ROBO2: variants seen among roughly 807,000 people sequenced by gnomAD.
ROBO2 encodes roundabout guidance receptor 2, also known as roundabout homolog 2.
A neutral mutation model predicts 160.8 loss-of-function variants in ROBO2; 53 were observed. The observed-to-expected ratio is 0.33, with a 90% CI of 0.26 to 0.41. The LOEUF is 0.41. Among genes scored for constraint, ROBO2 ranks in the 10% least tolerant of loss-of-function variants. The pLI is 1.00. For synonymous variants in ROBO2, 664 were observed against 611.7 expected (o/e 1.09, Z -1.26); for missense variants, 1,577 against 1,722.4 (o/e 0.92, Z 1.49).
At chr3:77,135,895 A>G (rs1200744097) in intron 2 of ROBO2, among the ~76,000 whole-genome samples, 1 of 152,244 alleles carries the variant, frequency 6.6e-6, no homozygotes, top group African/African-American at 2.4e-5. Context: ...GGAAAGTAAT[A>G]TATTCTGTCA....
At chr3:76,251,803 T>G (rs867479068) in intron 2 of ROBO2, among the ~76,000 whole-genome samples, 5 of 152,062 alleles carry the variant, frequency 3.3e-5, no homozygotes, top group Admixed American at 6.6e-5. Flanking sequence ...GGGTTTAAAA[T>G]GTGACTCCTT....
At chr3:77,297,941 G>A (rs184783647) in intron 2 of ROBO2, among the ~76,000 whole-genome samples, 2 of 152,252 alleles carry the variant, frequency 1.3e-5, no homozygotes, top group East Asian at 1.9e-4. Flanking sequence ...AGAAAGAGTC[G>A]TTGGACATGG....
intron 2 of ROBO2, among the ~76,000 whole-genome samples, chr3:75,961,633 A>C (rs1288562557): frequency 6.6e-6 from 1 of 151,726 alleles, no homozygotes; most frequent in African/African-American, 2.4e-5. Context: ...AAAAGAGAAC[A>C]GAGCAGATAA....
At chr3:76,710,891 G>T (rs264552) in intron 2 of ROBO2, among the ~76,000 whole-genome samples, 56,108 of 151,972 alleles carry the variant, frequency 0.37, 11,493 homozygotes, top group Non-Finnish European at 0.47. Context: ...ACAAAAGAAA[G>T]TAGTTCACGG....
chr3:77,219,374 T>C (rs939908758), intron 2 of ROBO2, among the ~76,000 whole-genome samples: 2 of 149,178 alleles, frequency 1.3e-5, no homozygotes, highest in African/African-American at 4.9e-5. Context: ...ACCAAACTTA[T>C]TAAGCTTTAT....
intron 2 of ROBO2, among the ~76,000 whole-genome samples, chr3:76,818,410 T>C (rs1455096525): frequency 1.3e-5 from 2 of 152,002 alleles, no homozygotes; most frequent in South Asian, 2.1e-4. Context: ...TTGTTGGATG[T>C]ATAGACTGTG....
chr3:76,103,424 G>A (rs563174085), intron 2 of ROBO2, among the ~76,000 whole-genome samples: 1 of 152,162 alleles, frequency 6.6e-6, no homozygotes, highest in African/African-American at 2.4e-5. Context: ...AGAAAACAGA[G>A]GTGTTACATG....
chr3:76,410,002 A>G (rs1217179641), intron 2 of ROBO2, among the ~76,000 whole-genome samples: 1 of 152,080 alleles, frequency 6.6e-6, no homozygotes, highest in Admixed American at 6.6e-5. Context: ...TGCTTTGTTT[A>G]TTCAAAGTGA....
At chr3:76,214,236 C>T (rs1703343679) in intron 2 of ROBO2, among the ~76,000 whole-genome samples, 2 of 152,186 alleles carry the variant, frequency 1.3e-5, no homozygotes, top group African/African-American at 4.8e-5. Context: ...ACACACTAAT[C>T]CACTCCTCAG....
At position 77,564,982 on chromosome 3, in the gene ROBO2, G is replaced by A. The variant is rs993855793; in HGVS notation, c.1711G>A (p.Val571Met). ...ATCAGTGAGCAACAGCTGGCAGACC[G>A]TGGCAAACCATGTAAAGACCACCCT... Residue 571 changes from valine to methionine, a missense_variant, in exon 12 of 26, where the codon GTG becomes ATG. Coordinates refer to ENST00000461745, the Ensembl canonical transcript of ROBO2. The A allele has an allele frequency of 6.2e-6, 10 of 1,613,296 alleles. No individual in the cohort carries two copies. Among genetic ancestry groups the A allele is most frequent in the Admixed American group, 1.7e-5 (1 of 59,850 alleles).
At chr3:76,225,507 G>C (rs1159526576) in intron 2 of ROBO2, among the ~76,000 whole-genome samples, 1 of 152,118 alleles carries the variant, frequency 6.6e-6, no homozygotes, top group Non-Finnish European at 1.5e-5. Flanking sequence ...TTCAGCCCAG[G>C]AGTTCAAGAC....
At chr3:76,258,785 A>G (rs889873197) in intron 2 of ROBO2, among the ~76,000 whole-genome samples, 1 of 152,116 alleles carries the variant, frequency 6.6e-6, no homozygotes, top group Non-Finnish European at 1.5e-5. Flanking sequence ...TTATTTTTCT[A>G]AACAGCTCTA....
chr3:77,597,317 A>C (rs6778653), intron 19 of ROBO2, among the ~76,000 whole-genome samples: 146 of 151,500 alleles, frequency 9.6e-4, no homozygotes, highest in Middle Eastern at 6.8e-3. Flanking sequence ...ATAAATAAAT[A>C]AATAAATAAA....
intron 2 of ROBO2, among the ~76,000 whole-genome samples, chr3:76,107,613 G>T (rs1473625571): frequency 6.6e-6 from 1 of 151,920 alleles, no homozygotes; most frequent in Non-Finnish European, 1.5e-5. Flanking sequence ...AGTTTGAGTT[G>T]TGTTGGAAAA....
At chr3:76,971,355 A>AT (rs1436116740) in intron 2 of ROBO2, among the ~76,000 whole-genome samples, 2 of 152,150 alleles carry the variant, frequency 1.3e-5, no homozygotes, top group Admixed American at 6.6e-5. Flanking sequence ...AAACATTTCC[A>AT]TTTTTTTCTA....
At chr3:76,846,084 C>T (rs1166956) in intron 2 of ROBO2, among the ~76,000 whole-genome samples, 14,093 of 152,046 alleles carry the variant, frequency 0.093, 780 homozygotes, top group South Asian at 0.12. Flanking sequence ...ACAATATATC[C>T]CAATTTATTG....
intron 2 of ROBO2, among the ~76,000 whole-genome samples, chr3:76,894,051 G>A (rs1309955084): frequency 2.0e-5 from 3 of 152,058 alleles, no homozygotes; most frequent in South Asian, 2.1e-4. Context: ...GATTAATAAA[G>A]GATTCCCTTG....
rs750645704 is a variant in ROBO2, at chr3:77,563,117, T to TAATA, written c.1520-50_1520-49insAATA. The TAATA allele has an allele frequency of 1.2e-5, 19 of 1,581,118 alleles. No individual in the cohort carries two copies. In the South Asian group the frequency reaches 2.0e-4, roughly 17 times the overall value. ...ACTGCTTCCTTCTTTTAGGCAGTAT[T>TAATA]GTCAACTTATGCAATCAGGAATGAA... is the stretch of plus-strand genomic sequence containing the variant. On this transcript the variant is annotated intron_variant, in intron 10 of 25. Transcript: ENST00000461745.
chr3:77,489,754 C>T (rs1297850137), intron 4 of ROBO2, among the ~76,000 whole-genome samples: 3 of 152,098 alleles, frequency 2.0e-5, no homozygotes, highest in Non-Finnish European at 2.9e-5. Flanking sequence ...TTATTTTATA[C>T]CCAGCATAAT....
Sources: gnomAD v4.1 joint callset for allele counts (sites outside exome capture counted in the v4.1 genomes callset) on GRCh38, gnomAD v4.1.1 for gene constraint, MANE v1.5 for transcripts, NCBI Gene and HGNC (gene_info 2026-07-23, HGNC 2026-07-21) for gene names.